Variants in BRAF observed in about 807,000 individuals in gnomAD.
BRAF encodes serine/threonine-protein kinase B-raf.
A neutral mutation model predicts 104.6 loss-of-function variants in BRAF; 16 were observed. The observed-to-expected ratio is 0.15, with a 90% confidence interval of 0.10 to 0.23. BRAF has a LOEUF of 0.23. BRAF is among the 10% of genes least tolerant of loss of function. The pLI, the probability that BRAF is intolerant of heterozygous loss-of-function variation, is 1.00. For missense variants in BRAF, 541 were observed against 937.3 expected, an observed-to-expected ratio of 0.58 and a Z score of 5.52; for synonymous variants, 310 against 341.6, an observed-to-expected ratio of 0.91 and a Z score of 1.02.
At chr7:140,787,028 G>A (rs1377646914) in intron 9 of BRAF, among the ~76,000 whole-genome samples, 2 of 152,094 alleles carry the variant, frequency 1.3e-5, no homozygotes, top group Admixed American at 6.5e-5. Flanking sequence ...TTGGCCGGGC[G>A]CGGTGGCTCA....
Position 140,730,293 on chromosome 7 carries a change from TA to T in BRAF, c.2402-3778del, listed in dbSNP as rs199869683. On this transcript the variant is annotated intron_variant, in intron 19 of 19. Coordinates refer to ENST00000644969, the MANE Select transcript of BRAF (RefSeq NM_001374258.1). ...AAAAAAATCTTGGTATATTAATTAA[TA>T]AAAAAAAATCAATTTGAGGCCAAAT... is the stretch of plus-strand genomic sequence containing the variant. Among the ~76,000 whole-genome samples the T allele has an allele frequency of 7.0e-3, 1,062 of 151,546 alleles. 12 individuals carry two copies. Among genetic ancestry groups the T allele is most frequent in the African/African-American group, 0.024 (990 of 41,298 alleles).
chr7:140,715,095 C>T (rs890537980), downstream of BRAF, among the ~76,000 whole-genome samples: 10 of 152,268 alleles, frequency 6.6e-5, no homozygotes, highest in East Asian at 1.9e-4. Context: ...TTGAATGCAG[C>T]GAGCAGCCTC....
intron 1 of BRAF, among the ~76,000 whole-genome samples, chr7:140,904,871 T>C (rs1182614738): frequency 6.6e-6 from 1 of 152,164 alleles, no homozygotes; most frequent in Non-Finnish European, 1.5e-5. Flanking sequence ...CCTCCCAAAG[T>C]GCTGGGATTA....
intron 2 of BRAF, chr7:140,835,461 T>C (rs1421159085): frequency 6.5e-6 from 1 of 154,456 alleles, no homozygotes; most frequent in Non-Finnish European, 1.4e-5. Flanking sequence ...TCTGGAATAG[T>C]TATCAGTTAA....
intron 14 of BRAF, among the ~76,000 whole-genome samples, chr7:140,763,784 C>T (rs1799030951): frequency 6.6e-6 from 1 of 152,208 alleles, no homozygotes; most frequent in South Asian, 2.1e-4. Flanking sequence ...ATAACAGGAT[C>T]TCAAATTGTG....
chr7:140,752,131 ATCAT>A (rs1401600646), intron 16 of BRAF, among the ~76,000 whole-genome samples: 1 of 152,216 alleles, frequency 6.6e-6, no homozygotes, highest in Non-Finnish European at 1.5e-5. Context: ...GTTAACACAG[ATCAT>A]TCATTTTTAA....
chr7:140,880,348 G>T (rs78838090), intron 1 of BRAF, among the ~76,000 whole-genome samples: 79 of 152,244 alleles, frequency 5.2e-4, no homozygotes, highest in Non-Finnish European at 9.7e-4. Flanking sequence ...CCATGACATT[G>T]TAGCAATTCG....
chr7:140,735,733 T>C (rs1356049627), intron 18 of BRAF, among the ~76,000 whole-genome samples: 2 of 151,970 alleles, frequency 1.3e-5, no homozygotes, highest in African/African-American at 2.4e-5. Context: ...AATTTTTGTA[T>C]TTTTAGCAGA....
At chr7:140,884,321 C>T (rs995726868) in intron 1 of BRAF, 1 of 151,634 alleles carries the variant, frequency 6.6e-6, no homozygotes, top group Non-Finnish European at 1.5e-5. Context: ...AAGTGTTTAA[C>T]AGAGACATAA....
At chr7:140,836,738 A>G (rs544232369) in intron 2 of BRAF, among the ~76,000 whole-genome samples, 7 of 152,334 alleles carry the variant, frequency 4.6e-5, no homozygotes, top group African/African-American at 9.6e-5. Context: ...CTCAGTAAAT[A>G]TATACTGATA....
chr7:140,762,941 C>T (rs910658804), intron 14 of BRAF, among the ~76,000 whole-genome samples: 81 of 152,348 alleles, frequency 5.3e-4, no homozygotes, highest in Non-Finnish European at 7.5e-4. Flanking sequence ...CACAGATCAA[C>T]AGGATCACAA....
At chr7:140,901,394 T>C (rs559485267) in intron 1 of BRAF, among the ~76,000 whole-genome samples, 4 of 152,284 alleles carry the variant, frequency 2.6e-5, no homozygotes, top group Non-Finnish European at 4.4e-5. Flanking sequence ...GTGCCTACCA[T>C]AGAGCATTAA....
intron 14 of BRAF, chr7:140,758,059 T>C (rs1798352537): frequency 6.6e-6 from 1 of 152,256 alleles, no homozygotes; most frequent in African/African-American, 2.4e-5. Context: ...TCTGCTGCCA[T>C]TTTCAAGTAT....
chr7:140,808,160 T>A, intron 4 of BRAF, 98 bp from the exon 5 acceptor site: 1 of 910,428 alleles, frequency 1.1e-6, no homozygotes, highest in Non-Finnish European at 1.8e-6. Context: ...GAGGGGCTAG[T>A]AACAGTGAGG....
chr7:140,834,349 A>T (rs904327783), intron 3 of BRAF: 7 of 583,708 alleles, frequency 1.2e-5, no homozygotes, highest in Non-Finnish European at 2.1e-5. Flanking sequence ...ATTTTAAACT[A>T]GTGCTTAGAC....
At chr7:140,900,521 A>T (rs545418356) in intron 1 of BRAF, among the ~76,000 whole-genome samples, 2 of 152,304 alleles carry the variant, frequency 1.3e-5, no homozygotes, top group South Asian at 4.1e-4. Context: ...CCCTCCACCT[A>T]CCCATATGTA....
rs775220403 is a variant in BRAF at position 140,787,530 on chromosome 7, C to T, written c.1177+18G>A. Reference sequence around the variant, plus strand: ...CAGTTTCCTTGAGTTTTTAAAAAAACCTGAAATCACTACTTACCTCCATCA... The same window carrying T: ...CAGTTTCCTTGAGTTTTTAAAAAAATCTGAAATCACTACTTACCTCCATCA... On this transcript the variant is annotated intron_variant, in intron 9 of 19. Coordinates refer to ENST00000644969, the MANE Select transcript of BRAF (RefSeq NM_001374258.1). 5.2e-5 allele frequency: 84 copies of T among 1,608,724 alleles called. No homozygotes were observed. The highest frequency in any genetic ancestry group is 7.0e-5 in the Non-Finnish European group (82 of 1,175,702).
chr7:140,784,929 G>A (rs1801206860), intron 10 of BRAF, among the ~76,000 whole-genome samples: 1 of 152,144 alleles, frequency 6.6e-6, no homozygotes, highest in South Asian at 2.1e-4. Flanking sequence ...TTACAGGCGT[G>A]AGCCACCGCG....
At chr7:140,716,414 TC>T (rs1795131107), downstream of BRAF, among the ~76,000 whole-genome samples, 1 of 152,166 alleles carries the variant, frequency 6.6e-6, no homozygotes, top group African/African-American at 2.4e-5. Context: ...AATGAAATAC[TC>T]TCTAAATTGA....
Sources: gnomAD v4.1 joint callset for allele counts (sites outside exome capture counted in the v4.1 genomes callset) on GRCh38, gnomAD v4.1.1 for gene constraint, MANE v1.5 for transcripts, NCBI Gene and HGNC (gene_info 2026-07-23, HGNC 2026-07-21) for gene names.